The following COL24A1 variants were observed in gnomAD, a reference collection of about 807,000 sequenced individuals.
COL24A1 encodes collagen alpha-1(XXIV) chain.
Under a neutral mutation model 253.9 loss-of-function variants are expected in COL24A1, and 224 were observed. The ratio of observed to expected loss-of-function variants is 0.88; its 90% CI spans 0.79 to 0.99. The LOEUF (loss-of-function observed/expected upper bound fraction) is 0.99. Among genes scored for constraint, COL24A1 ranks in the 50% least tolerant of loss-of-function variants. The pLI is 0.00. For missense variants in COL24A1, 2,131 were observed against 2,068.5 expected, an observed-to-expected ratio of 1.03 and a Z score of -0.59; for synonymous variants, 685 against 673.7, an observed-to-expected ratio of 1.02 and a Z score of -0.26.
chr1:85,823,499 A>G (rs772009571), intron 45 of COL24A1, 37 bp downstream of exon 45: 5 of 1,597,918 alleles, frequency 3.1e-6, no homozygotes, highest in Non-Finnish European at 4.3e-6. Context: ...AATTGCTAAC[A>G]ATACATCTCA....
At chr1:86,006,587 T>A (rs1300558745) in intron 19 of COL24A1, among the ~76,000 whole-genome samples, 1 of 152,180 alleles carries the variant, frequency 6.6e-6, no homozygotes, top group Non-Finnish European at 1.5e-5. Flanking sequence ...AAAATCTAGA[T>A]GACCTTGGGT....
chr1:85,904,167 A>G (rs1393674589), intron 28 of COL24A1, among the ~76,000 whole-genome samples: 1 of 152,156 alleles, frequency 6.6e-6, no homozygotes, highest in East Asian at 1.9e-4. Context: ...TTTCCCTCCC[A>G]TTTAAATCTT....
At chr1:86,011,868 C>T (rs958814668) in intron 19 of COL24A1, among the ~76,000 whole-genome samples, 4 of 152,122 alleles carry the variant, frequency 2.6e-5, no homozygotes, top group African/African-American at 9.7e-5. Flanking sequence ...GGTTCTGCTG[C>T]CATAAAGAAC....
At chr1:85,829,598 A>T (rs1350943578) in intron 43 of COL24A1, among the ~76,000 whole-genome samples, 10 of 151,748 alleles carry the variant, frequency 6.6e-5, no homozygotes, top group Non-Finnish European at 1.5e-4. Flanking sequence ...ATAGCCCCAT[A>T]TTTCTTGGAG....
intron 5 of COL24A1, among the ~76,000 whole-genome samples, chr1:86,094,628 T>A (rs889729070): frequency 2.6e-5 from 4 of 151,906 alleles, no homozygotes; most frequent in Non-Finnish European, 5.9e-5. Context: ...ACTTCAAATT[T>A]TTTTTTTTCT....
Position 86,125,695 on chromosome 1 carries a change from T to C in COL24A1, c.641A>G (p.His214Arg), listed in dbSNP as rs375513992. The change falls in exon 3 of 60, where the codon CAT (histidine) becomes CGT (arginine). Residue 214 changes from histidine (H) to arginine (R), a missense_variant. Physicochemically the swap from His to Arg is conservative, Grantham distance 29. Transcript: ENST00000370571. ...TAACTGACATACTATTCCTTCAAAA[T>C]GGATAGAATTATTATTCATACTTCC... is the stretch of plus-strand genomic sequence containing the variant. ...TLGSMNNNSIHFEGIVCQLDI... is the reference protein window; with the variant it reads ...TLGSMNNNSIRFEGIVCQLDI... The C allele has an allele frequency of 6.2e-7, 1 of 1,610,640 alleles. No homozygotes were observed.
intron 57 of COL24A1, among the ~76,000 whole-genome samples, chr1:85,740,867 TG>T (rs1338404069): frequency 3.4e-5 from 5 of 145,990 alleles, no homozygotes; most frequent in Non-Finnish European, 6.0e-5. Flanking sequence ...CCCAGCACTT[TG>T]GGAGGCCGAG....
intron 52 of COL24A1, among the ~76,000 whole-genome samples, chr1:85,776,478 A>T (rs114037202): frequency 2.8e-4 from 34 of 120,096 alleles, no homozygotes; most frequent in African/African-American, 1.1e-3. Context: ...TGAAAATTTT[A>T]TATGTATATA....
intron 8 of COL24A1, among the ~76,000 whole-genome samples, chr1:86,062,909 C>T (rs879664654): frequency 6.6e-6 from 1 of 151,966 alleles, no homozygotes; most frequent in Non-Finnish European, 1.5e-5. Flanking sequence ...TTATAGCTTT[C>T]CCTCAGGTAC....
At chr1:86,060,467 C>T (rs969728314) in intron 8 of COL24A1, among the ~76,000 whole-genome samples, 3 of 152,118 alleles carry the variant, frequency 2.0e-5, no homozygotes, top group Admixed American at 1.3e-4. Context: ...ACTTTAAGTA[C>T]AGATATGCTA....
intron 53 of COL24A1, among the ~76,000 whole-genome samples, chr1:85,775,281 T>G (rs891213664): frequency 2.6e-5 from 4 of 152,192 alleles, no homozygotes; most frequent in South Asian, 2.1e-4. Context: ...GAGGAGTGTT[T>G]CACTTCCAAT....
chr1:85,876,654 A>G (rs529339333), intron 33 of COL24A1, among the ~76,000 whole-genome samples: 1 of 152,330 alleles, frequency 6.6e-6, no homozygotes, highest in African/African-American at 2.4e-5. Flanking sequence ...AGGTGAAGTG[A>G]CAACAGGAGA....
intron 24 of COL24A1, among the ~76,000 whole-genome samples, chr1:85,945,086 C>T (rs1239501841): frequency 3.1e-5 from 4 of 127,704 alleles, no homozygotes; most frequent in Admixed American, 1.9e-4. Context: ...GGCACAATCT[C>T]GGCTCACTGC....
chr1:86,141,336 A>G (rs915561992), intron 2 of COL24A1, among the ~76,000 whole-genome samples: 2 of 152,224 alleles, frequency 1.3e-5, no homozygotes, highest in Non-Finnish European at 2.9e-5. Context: ...AGTTTGTATA[A>G]GAAGTTTCCA....
intron 8 of COL24A1, among the ~76,000 whole-genome samples, chr1:86,059,998 G>A (rs1700963347): frequency 6.6e-6 from 1 of 152,084 alleles, no homozygotes. Context: ...AAGCCACCCA[G>A]TCTATGGTCT....
chr1:86,004,536 G>A (rs1324281287), intron 19 of COL24A1, among the ~76,000 whole-genome samples: 4 of 152,112 alleles, frequency 2.6e-5, no homozygotes, highest in Admixed American at 1.3e-4. Context: ...AAAAAATGGT[G>A]TACTACCCTT....
intron 39 of COL24A1, among the ~76,000 whole-genome samples, chr1:85,846,974 G>A (rs1677203163): frequency 6.6e-6 from 1 of 152,044 alleles, no homozygotes; most frequent in Non-Finnish European, 1.5e-5. Flanking sequence ...ACATTTAAAT[G>A]GAGACTACAC....
chr1:85,892,677 A>G (rs1683250552), intron 31 of COL24A1, among the ~76,000 whole-genome samples: 1 of 152,092 alleles, frequency 6.6e-6, no homozygotes, highest in Non-Finnish European at 1.5e-5. Flanking sequence ...GCGTAGTTTA[A>G]AATATATGTA....
chr1:86,093,534 A>G (rs1024766530), intron 5 of COL24A1, among the ~76,000 whole-genome samples: 7 of 152,188 alleles, frequency 4.6e-5, no homozygotes, highest in African/African-American at 1.7e-4. Context: ...AACTATAAAA[A>G]CCATGGAAGA....
Sources: allele counts gnomAD v4.1 joint callset (sites outside exome capture counted in the v4.1 genomes callset), GRCh38; gene constraint gnomAD v4.1.1; transcripts MANE v1.5; gene names NCBI Gene and HGNC (gene_info 2026-07-23, HGNC 2026-07-21).